Variants in METTL21A observed in about 807,000 individuals in gnomAD.
The protein encoded by METTL21A is protein N-lysine methyltransferase METTL21A.
A neutral mutation model predicts 20.9 loss-of-function variants in METTL21A; 22 were observed. The ratio of observed to expected loss-of-function variants is 1.05; its 90% CI spans 0.75 to 1.50. The LOEUF (loss-of-function observed/expected upper bound fraction) is 1.50, where lower values mean the gene tolerates loss of function less well. METTL21A is among the 40% of genes most tolerant of loss of function. METTL21A has a pLI of 0.00. For synonymous variants in METTL21A, 93 were observed against 102.0 expected (o/e 0.91, Z 0.53); for missense variants, 271 against 266.8 (o/e 1.02, Z -0.11).
chr2:207,602,899 G>A, intron 3 of METTL21A: 1 of 216,832 alleles, frequency 4.6e-6, no homozygotes, highest in Non-Finnish European at 9.3e-6. Context: ...CCCACTCCCT[G>A]CAAAAGGAAT....
At chr2:207,608,744 G>C (rs2551951), downstream of METTL21A, among the ~76,000 whole-genome samples, 1 of 152,074 alleles carries the variant, frequency 6.6e-6, no homozygotes. Flanking sequence ...GGCTAACACG[G>C]TGAAACCCCA....
At chr2:207,607,456 C>T (rs150559921), downstream of METTL21A, among the ~76,000 whole-genome samples, 2 of 151,656 alleles carry the variant, frequency 1.3e-5, no homozygotes, top group Admixed American at 1.3e-4. Flanking sequence ...TCCTTGCCTT[C>T]TAGGAGCATA....
At chr2:207,582,029 A>C (rs2083027122) in exon 4 of METTL21A, 1 of 699,392 alleles carries the variant, frequency 1.4e-6, no homozygotes, top group South Asian at 1.5e-5. Flanking sequence ...CACATCCGGG[A>C]GCACATACAT....
intron 3 of METTL21A, among the ~76,000 whole-genome samples, chr2:207,595,832 G>T (rs2086052168): frequency 6.6e-6 from 1 of 152,164 alleles, no homozygotes; most frequent in Non-Finnish European, 1.5e-5. Flanking sequence ...GCCTCCCAAA[G>T]TGCTGGGATT....
intron 3 of METTL21A, among the ~76,000 whole-genome samples, chr2:207,620,260 A>G (rs2090331366): frequency 6.6e-6 from 1 of 152,090 alleles, no homozygotes; most frequent in African/African-American, 2.4e-5. Context: ...CCTGGCCAAC[A>G]TGGTAAAACC....
At chr2:207,623,361 G>A (rs973245067) in intron 2 of METTL21A, among the ~76,000 whole-genome samples, 2 of 152,176 alleles carry the variant, frequency 1.3e-5, no homozygotes, top group African/African-American at 4.8e-5. Context: ...TGCCAATCAT[G>A]CATTCAACAT....
At chr2:207,598,457 C>CT (rs985478314) in intron 3 of METTL21A, 12 of 178,074 alleles carry the variant, frequency 6.7e-5, no homozygotes, top group Admixed American at 1.3e-4. Flanking sequence ...ATTTTATTCA[C>CT]TAAGCTCGAT....
At chr2:207,622,016 G>T in intron 2 of METTL21A, 99 bp from the exon 3 acceptor site, 4 of 984,456 alleles carry the variant, frequency 4.1e-6, no homozygotes, top group Non-Finnish European at 6.4e-6. Context: ...CCACTTCGAG[G>T]TTCAATTCCC....
intron 3 of METTL21A, among the ~76,000 whole-genome samples, chr2:207,620,400 G>A (rs762464222): frequency 1.3e-5 from 2 of 151,988 alleles, no homozygotes; most frequent in Admixed American, 6.6e-5. Context: ...CCGAGATCAT[G>A]CCACTGCACT....
At chr2:207,599,309 C>A (rs1178887277) in intron 3 of METTL21A, 1 of 206,270 alleles carries the variant, frequency 4.8e-6, no homozygotes, top group Non-Finnish European at 9.9e-6. Flanking sequence ...AATATGTTCA[C>A]AAGTTGGAAT....
intron 2 of METTL21A, among the ~76,000 whole-genome samples, chr2:207,623,904 T>G (rs963035284): frequency 1.3e-5 from 2 of 152,172 alleles, no homozygotes; most frequent in African/African-American, 4.8e-5. Flanking sequence ...CTTTCCTTCC[T>G]ATCCTCTCCG....
intron 3 of METTL21A, chr2:207,603,295 A>G (rs949558249): frequency 4.5e-6 from 1 of 222,880 alleles, no homozygotes; most frequent in Non-Finnish European, 9.0e-6. Context: ...TTTGTATATT[A>G]AAGTGATCCT....
At chr2:207,606,323 A>C (rs2088093566), downstream of METTL21A, among the ~76,000 whole-genome samples, 1 of 152,152 alleles carries the variant, frequency 6.6e-6, no homozygotes, top group South Asian at 2.1e-4. Context: ...TCTACTAAAA[A>C]ATACAAAAAT....
intron 3 of METTL21A, among the ~76,000 whole-genome samples, chr2:207,591,902 T>C (rs1209510122): frequency 6.6e-6 from 1 of 152,186 alleles, no homozygotes; most frequent in Non-Finnish European, 1.5e-5. Flanking sequence ...ATGGCACAAG[T>C]AGAAATTTTT....
chr2:207,603,916 A>G (rs1383966109), intron 3 of METTL21A, among the ~76,000 whole-genome samples: 1 of 152,208 alleles, frequency 6.6e-6, no homozygotes, highest in Non-Finnish European at 1.5e-5. Flanking sequence ...ATCTGAAAAT[A>G]AGCAGCTGCA....
chr2:207,581,363 A>T (rs867687709), downstream of METTL21A: 3 of 200,328 alleles, frequency 1.5e-5, no homozygotes, highest in Non-Finnish European at 3.1e-5. Flanking sequence ...TTAAGAGTAA[A>T]TAAAGGTGTA....
intron 3 of METTL21A, chr2:207,603,262 G>A (rs2087422629): frequency 4.5e-6 from 1 of 221,694 alleles, no homozygotes; most frequent in Non-Finnish European, 9.0e-6. Flanking sequence ...TAGCTGCTTT[G>A]TGTTCAGAAT....
At chr2:207,603,756 C>T (rs559584083) in intron 3 of METTL21A, among the ~76,000 whole-genome samples, 1 of 152,204 alleles carries the variant, frequency 6.6e-6, no homozygotes, top group African/African-American at 2.4e-5. Flanking sequence ...GACTATATAC[C>T]TTCTCAGGTC....
chr2:207,592,028 ATCT>A (rs1339576688), intron 3 of METTL21A, among the ~76,000 whole-genome samples: 2 of 152,192 alleles, frequency 1.3e-5, no homozygotes, highest in East Asian at 1.9e-4. Flanking sequence ...TAGAAAATAG[ATCT>A]TCTGGCAATG....
Sources: gnomAD v4.1 joint callset for allele counts (sites outside exome capture counted in the v4.1 genomes callset) on GRCh38, gnomAD v4.1.1 for gene constraint, MANE v1.5 for transcripts, NCBI Gene and HGNC (gene_info 2026-07-23, HGNC 2026-07-21) for gene names.